Variants in TENM3 observed in about 807,000 individuals in gnomAD.
TENM3 encodes teneurin-3.
TENM3 carries 63 observed loss-of-function variants against 255.1 expected under a neutral mutation model. The ratio of observed to expected loss-of-function variants is 0.25; its 90% CI spans 0.20 to 0.30. The LOEUF is 0.30. Ranked by LOEUF, TENM3 falls within the 10% of genes least tolerant of loss-of-function variation. TENM3 has a pLI of 1.00. For synonymous variants in TENM3, 1,306 were observed against 1,322.3 expected, an observed-to-expected ratio of 0.99 and a Z score of 0.27; for missense variants, 2,929 against 3,461.1, an observed-to-expected ratio of 0.85 and a Z score of 3.86.
At chr4:182,764,238 C>T (rs929120651) in intron 22 of TENM3, among the ~76,000 whole-genome samples, 2 of 152,196 alleles carry the variant, frequency 1.3e-5, no homozygotes, top group Non-Finnish European at 2.9e-5. Flanking sequence ...CAAGCATTTC[C>T]TGTTTAGCCC....
At chr4:181,501,797 T>C in the TENM3 span, among the ~76,000 whole-genome samples, 1 of 152,174 alleles carries the variant, frequency 6.6e-6, no homozygotes, top group Non-Finnish European at 1.5e-5. Context: ...TCCAGTTCCA[T>C]CTAATATAAA....
the TENM3 span, among the ~76,000 whole-genome samples, chr4:182,133,746 A>G: frequency 6.6e-6 from 1 of 152,164 alleles, no homozygotes; most frequent in Admixed American, 6.5e-5. Context: ...GTGAATTTTG[A>G]TTTCTTTCTT....
chr4:182,439,592 G>A (rs1772308088), intron 3 of TENM3, among the ~76,000 whole-genome samples: 1 of 152,162 alleles, frequency 6.6e-6, no homozygotes, highest in Non-Finnish European at 1.5e-5. Flanking sequence ...TTCAAATCTA[G>A]AAGGTTTGAA....
intron 6 of TENM3, among the ~76,000 whole-genome samples, chr4:182,662,650 G>T: frequency 6.6e-6 from 1 of 152,126 alleles, no homozygotes; most frequent in Non-Finnish European, 1.5e-5. Context: ...CCCTAGAACT[G>T]GCCTTTTTTT....
At chr4:182,272,111 G>A (rs1458831881) in intron 1 of TENM3, among the ~76,000 whole-genome samples, 1 of 152,184 alleles carries the variant, frequency 6.6e-6, no homozygotes, top group Admixed American at 6.5e-5. Flanking sequence ...CCACCTACAT[G>A]AGTTCGAGGT....
At chr4:181,542,320 G>T in the TENM3 span, among the ~76,000 whole-genome samples, 1 of 152,176 alleles carries the variant, frequency 6.6e-6, no homozygotes, top group South Asian at 2.1e-4. Context: ...AGGCAAGTTT[G>T]CAGAAACAGC....
the TENM3 span, among the ~76,000 whole-genome samples, chr4:181,462,464 T>C: frequency 6.6e-6 from 1 of 152,186 alleles, no homozygotes; most frequent in Admixed American, 6.6e-5. Context: ...AGGCAGTAGC[T>C]TGGGACAATC....
intron 4 of TENM3, among the ~76,000 whole-genome samples, chr4:182,621,746 T>A (rs544954080): frequency 1.2e-4 from 4 of 32,964 alleles, no homozygotes; most frequent in Non-Finnish European, 2.1e-4. Context: ...TAATATATAA[T>A]ATATTATAAT....
intron 3 of TENM3, among the ~76,000 whole-genome samples, chr4:182,410,830 A>G (rs145847710): frequency 1.4e-3 from 207 of 152,340 alleles, no homozygotes; most frequent in Middle Eastern, 6.8e-3. Flanking sequence ...ATATTGAATT[A>G]CAAGTGAGAG....
intron 3 of TENM3, among the ~76,000 whole-genome samples, chr4:182,488,705 C>G (rs1734990285): frequency 6.6e-6 from 1 of 151,576 alleles, no homozygotes; most frequent in Admixed American, 6.6e-5. Context: ...TCATCGAATA[C>G]TAAGATAGAA....
intron 3 of TENM3, among the ~76,000 whole-genome samples, chr4:182,375,701 C>T (rs2150887344): frequency 6.6e-6 from 1 of 152,180 alleles, no homozygotes; most frequent in East Asian, 1.9e-4. Context: ...GCCACCACAC[C>T]TGGCTAATTT....
the TENM3 span, among the ~76,000 whole-genome samples, chr4:181,712,468 G>T: frequency 6.6e-6 from 1 of 152,132 alleles, no homozygotes; most frequent in African/African-American, 2.4e-5. Context: ...TAAGTTTCCT[G>T]AGGGCTCCCC....
chr4:182,587,722 T>C (rs1368004222), intron 3 of TENM3, among the ~76,000 whole-genome samples: 1 of 152,230 alleles, frequency 6.6e-6, no homozygotes, highest in Non-Finnish European at 1.5e-5. Flanking sequence ...GGTTTTCTTT[T>C]AAGCTTGAAA....
At chr4:181,740,534 C>A in the TENM3 span, among the ~76,000 whole-genome samples, 1 of 151,764 alleles carries the variant, frequency 6.6e-6, no homozygotes, top group Admixed American at 6.6e-5. Context: ...AATACTTTAA[C>A]AAGAAAGATA....
In TENM3 at chr4:182,799,924, A is replaced by T. The variant is rs758149179; in HGVS notation, c.7673A>T (p.Asp2558Val). 2 of 1,602,182 alleles carry T rather than the reference A, an allele frequency of 1.2e-6. No individual in the cohort carries two copies. The highest frequency in any genetic ancestry group is 1.7e-6 in the Non-Finnish European group (2 of 1,174,748). Residue 2558 changes from aspartate to valine, a missense_variant, in exon 28 of 28, where the codon GAC becomes GTC. Coordinates refer to ENST00000511685, the MANE Select transcript of TENM3 (RefSeq NM_001080477.4). The surrounding 1 kb of genome is among the most constrained non-coding windows in gnomAD (Gnocchi z 4.2). ...ATCAAGACCACCACGCCCGAGAGCGACCTGGGCACGCTGCGGTTGACCAGC... is the reference window on the plus strand; with the variant it reads ...ATCAAGACCACCACGCCCGAGAGCGTCCTGGGCACGCTGCGGTTGACCAGC... The part of the protein sequence containing the change: ...YFIKTTTPES[D>V]LGTLRLTSGR...
the TENM3 span, among the ~76,000 whole-genome samples, chr4:181,690,393 TTGTCACTGCATC>T: frequency 6.6e-6 from 1 of 152,196 alleles, no homozygotes; most frequent in African/African-American, 2.4e-5. Flanking sequence ...CCAATAACCA[TTGTCACTGCATC>T]TTGTCAAAGC....
the TENM3 span, among the ~76,000 whole-genome samples, chr4:182,101,631 G>A: frequency 2.0e-5 from 3 of 152,116 alleles, no homozygotes; most frequent in Admixed American, 6.5e-5. Flanking sequence ...TGGGCAGGGC[G>A]GTTGGAATAG....
chr4:181,976,777 A>G, the TENM3 span, among the ~76,000 whole-genome samples: 3 of 152,204 alleles, frequency 2.0e-5, no homozygotes, highest in Admixed American at 2.0e-4. Flanking sequence ...ATAGAAATGA[A>G]TAGTATTTAA....
At chr4:181,878,080 C>T in the TENM3 span, among the ~76,000 whole-genome samples, 1 of 152,148 alleles carries the variant, frequency 6.6e-6, no homozygotes, top group Non-Finnish European at 1.5e-5. Flanking sequence ...AGGCACCAGA[C>T]ATATTGTTCA....
Sources: allele counts gnomAD v4.1 joint callset (sites outside exome capture counted in the v4.1 genomes callset), GRCh38; gene constraint gnomAD v4.1.1; non-coding constraint Gnocchi (gnomAD v3.1); transcripts MANE v1.5; gene names NCBI Gene and HGNC (gene_info 2026-07-23, HGNC 2026-07-21).